The following EVA1C variants were observed in gnomAD, a reference collection of about 807,000 sequenced individuals.
EVA1C encodes the protein protein eva-1 homolog C.
Under a neutral mutation model 45.4 loss-of-function variants are expected in EVA1C, and 25 were observed. The ratio of observed to expected loss-of-function variants is 0.55; its 90% confidence interval spans 0.40 to 0.77. The LOEUF (loss-of-function observed/expected upper bound fraction) is 0.77. Among genes scored for constraint, EVA1C ranks in the 30% least tolerant of loss-of-function variants. EVA1C has a pLI of 0.00. For synonymous variants in EVA1C, 190 were observed against 221.2 expected, an observed-to-expected ratio of 0.86 and a Z score of 1.25; for missense variants, 479 against 554.8, an observed-to-expected ratio of 0.86 and a Z score of 1.37.
At chr21:32,457,532 G>A in intron 2 of EVA1C, 65 bp from the exon 3 acceptor site, 1 of 1,607,268 alleles carries the variant, frequency 6.2e-7, no homozygotes, top group Admixed American at 1.7e-5. Context: ...AGCAGCCCAG[G>A]TTCGGGTCTG....
chr21:32,495,088 C>CA lies in EVA1C; in HGVS notation c.700dup (p.Ile234AsnfsTer36). On this transcript the variant is annotated frameshift_variant, in exon 5 of 8. Transcript: ENST00000300255. LOFTEE classifies it high-confidence loss of function. Reference sequence around the variant, plus strand: ...GAAGGTGCTATGGGAAGCAGAGATGCAAAATCATCGTCAACAATCACCATT... The same window carrying CA: ...GAAGGTGCTATGGGAAGCAGAGATGCAAAAATCATCGTCAACAATCACCATT... 1 of 1,614,086 alleles carries CA rather than the reference C, an allele frequency of 6.2e-7. No individual in the cohort carries two copies. Among genetic ancestry groups the CA allele is most frequent in the South Asian group, 1.1e-5 (1 of 91,074 alleles).
chr21:32,495,827 T>C (rs2037334904), intron 5 of EVA1C, among the ~76,000 whole-genome samples: 1 of 152,342 alleles, frequency 6.6e-6, no homozygotes, highest in African/African-American at 2.4e-5. Flanking sequence ...CAGTGTGTAA[T>C]CCTAATGTGT....
intron 5 of EVA1C, chr21:32,497,166 T>C (rs2037379649): frequency 1.3e-6 from 1 of 797,400 alleles, no homozygotes; most frequent in Non-Finnish European, 2.3e-6. Context: ...CTCTATCCAC[T>C]GAAGATAGTA....
chr21:32,449,762 C>T (rs532602336), intron 1 of EVA1C, among the ~76,000 whole-genome samples: 9 of 151,984 alleles, frequency 5.9e-5, no homozygotes, highest in African/African-American at 1.9e-4. Flanking sequence ...GCTGGGATTA[C>T]GGGGGCGTGC....
chr21:32,511,419 C>CAAAAAAAAAAAAAAAAAAAAAAAAAA (rs749141703), intron 7 of EVA1C, among the ~76,000 whole-genome samples: 2 of 47,596 alleles, frequency 4.2e-5, no homozygotes, highest in Admixed American at 2.9e-4. Flanking sequence ...AACTCCGTCT[C>CAAAAAAAAAAAAAAAAAAAAAAAAAA]AAAAAAAAAA....
intron 4 of EVA1C, among the ~76,000 whole-genome samples, chr21:32,472,652 A>G (rs1357174865): frequency 6.6e-6 from 1 of 152,088 alleles, no homozygotes; most frequent in Non-Finnish European, 1.5e-5. Flanking sequence ...GAAAAAAAAA[A>G]AGGAAAAGTA....
chr21:32,474,068 C>T lies in EVA1C; in HGVS notation c.634+6220C>T. 2.2e-6 allele frequency: 1 copy of T among 460,644 alleles called. No individual in the cohort carries two copies. Among genetic ancestry groups the T allele is most frequent in the Non-Finnish European group, 2.9e-6 (1 of 350,548 alleles). 28.5% of individuals were successfully genotyped at this position (460,644 alleles called of 1,614,324 possible). A position where few individuals can be genotyped will look rare whatever the true frequency, so the allele number is the denominator to read the frequency against. On this transcript the variant is annotated intron_variant, in intron 4 of 7. Coordinates refer to ENST00000300255, the MANE Select transcript of EVA1C (RefSeq NM_058187.5). This position sits in a 1 kb window ranked among gnomAD's most constrained non-coding sequence, Gnocchi z 4.4. The stretch of plus-strand genomic sequence containing the variant: ...TCAGCCTCCTGAGTAGCTGGGACTA[C>T]AGGTGCATGCCACCATGCCTGGCAT...
intron 5 of EVA1C, among the ~76,000 whole-genome samples, chr21:32,499,999 A>G (rs1484663525): frequency 6.6e-5 from 10 of 152,092 alleles, no homozygotes; most frequent in Non-Finnish European, 1.3e-4. Flanking sequence ...TTCTGATAAT[A>G]TTTAGCAAAT....
At chr21:32,494,606 A>G (rs2037278928) in intron 4 of EVA1C, among the ~76,000 whole-genome samples, 1 of 152,140 alleles carries the variant, frequency 6.6e-6, no homozygotes, top group South Asian at 2.1e-4. Context: ...AACATGGTGA[A>G]ACCCCATCTC....
chr21:32,512,357 T>A (rs2037984113), intron 7 of EVA1C, among the ~76,000 whole-genome samples: 1 of 152,164 alleles, frequency 6.6e-6, no homozygotes, highest in Non-Finnish European at 1.5e-5. Flanking sequence ...CCAGGAATCC[T>A]CAAAATATGA....
intron 1 of EVA1C, among the ~76,000 whole-genome samples, chr21:32,426,427 T>TA (rs2034490015): frequency 7.0e-6 from 1 of 142,292 alleles, no homozygotes; most frequent in African/African-American, 2.8e-5. Context: ...GTGCAGAGAT[T>TA]TTTTTTTTTT....
intron 1 of EVA1C, among the ~76,000 whole-genome samples, chr21:32,430,897 G>A (rs1051210660): frequency 2.0e-5 from 3 of 147,096 alleles, no homozygotes; most frequent in South Asian, 2.2e-4. Flanking sequence ...TGCTTAAACC[G>A]AGGAGGCGGA....
At chr21:32,439,378 C>T (rs552815290) in intron 1 of EVA1C, among the ~76,000 whole-genome samples, 5 of 152,208 alleles carry the variant, frequency 3.3e-5, no homozygotes, top group East Asian at 1.9e-4. Flanking sequence ...AGGTCACTGG[C>T]GAGTGTGCCA....
At position 32,501,415 on chromosome 21, in the gene EVA1C, T is replaced by C; in HGVS notation, c.779T>C (p.Val260Ala). Residue 260 changes from valine (V) to alanine (A), a missense_variant and splice_region_variant, in exon 6 of 8, where the codon GTT becomes GCT. This residue lies in a region of EVA1C where 366 missense variants were observed against 426.1 expected (regional missense o/e 0.86). Transcript: ENST00000300255. Reference protein sequence around the residue: ...KKYLTVTYACVPKNILTAIDP... With the variant: ...KKYLTVTYACAPKNILTAIDP... ...AAAATATTTCTTTTTTGGCTTTTAG[T>C]TCCCAAGAACATACTCACAGCGATT... 6.3e-7 allele frequency: 1 copy of C among 1,585,142 alleles called. No individual in the cohort carries two copies. Among genetic ancestry groups the C allele is most frequent in the Non-Finnish European group, 8.5e-7 (1 of 1,176,388 alleles).
At chr21:32,456,072 A>G (rs559930102) in intron 2 of EVA1C, among the ~76,000 whole-genome samples, 1 of 152,198 alleles carries the variant, frequency 6.6e-6, no homozygotes, top group Admixed American at 6.5e-5. Context: ...TTGTACTTTT[A>G]GTAGAGACAG....
rs144436249 is a variant in EVA1C at position 32,448,086 on chromosome 21, G to A, written c.161-5226G>A. 1.7e-4 allele frequency among the ~76,000 whole-genome samples: 26 copies of A among 152,166 alleles called. No homozygotes were observed. In the East Asian group the frequency reaches 5.0e-3, roughly 29 times the overall value. On this transcript the variant is annotated intron_variant, in intron 1 of 7. Transcript: ENST00000300255. The stretch of plus-strand genomic sequence containing the variant: ...ATATGGTTTCAAAATGGTTCTTGAT[G>A]GCCTCCATGTTGCTGAAACCATGGG...
At chr21:32,432,203 A>G (rs535044123) in intron 1 of EVA1C, among the ~76,000 whole-genome samples, 61 of 152,152 alleles carry the variant, frequency 4.0e-4, no homozygotes, top group Non-Finnish European at 7.1e-4. Flanking sequence ...GCATCACATC[A>G]GGAGGGACAT....
At chr21:32,458,103 G>C (rs945388131) in intron 3 of EVA1C, among the ~76,000 whole-genome samples, 5 of 152,152 alleles carry the variant, frequency 3.3e-5, no homozygotes, top group African/African-American at 9.7e-5. Context: ...GAGATTGAGA[G>C]GCTGCCTGTT....
intron 7 of EVA1C, among the ~76,000 whole-genome samples, chr21:32,507,257 C>A (rs1459527966): frequency 6.6e-6 from 1 of 152,220 alleles, no homozygotes; most frequent in African/African-American, 2.4e-5. Context: ...TTCAATAATA[C>A]AGACTTACTC....
Sources: gnomAD v4.1 joint callset for allele counts (sites outside exome capture counted in the v4.1 genomes callset) on GRCh38, gnomAD v4.1.1 for gene constraint, gnomAD v4.1.1 regional missense constraint, Gnocchi (gnomAD v3.1) non-coding constraint, MANE v1.5 for transcripts, NCBI Gene and HGNC (gene_info 2026-07-23, HGNC 2026-07-21) for gene names.